Variants in GALNT13 observed in about 807,000 individuals in gnomAD.
The protein encoded by GALNT13 is UDP-GalNAc:polypeptide N-acetylgalactosaminyltransferase 13.
GALNT13 carries 28 observed loss-of-function variants against 64.2 expected under a neutral mutation model. The observed-to-expected ratio is 0.44, with a 90% CI of 0.32 to 0.60. The LOEUF (loss-of-function observed/expected upper bound fraction) is 0.60. Among genes scored for constraint, GALNT13 ranks in the 20% least tolerant of loss-of-function variants. GALNT13 has a pLI of 0.05. For missense variants in GALNT13, 577 were observed against 669.8 expected (o/e 0.86, Z 1.53); for synonymous variants, 214 against 224.6 (o/e 0.95, Z 0.42).
At chr2:153,585,552 T>C in the GALNT13 span, among the ~76,000 whole-genome samples, 13 of 152,290 alleles carry the variant, frequency 8.5e-5, no homozygotes, top group Admixed American at 7.2e-4. Context: ...CGAAAAGATG[T>C]AGACATCTAC....
At chr2:153,190,030 C>T in the GALNT13 span, among the ~76,000 whole-genome samples, 1 of 151,882 alleles carries the variant, frequency 6.6e-6, no homozygotes, top group African/African-American at 2.4e-5. Context: ...ATATTTTTTC[C>T]ATTCAGCAGG....
chr2:153,496,321 C>G, the GALNT13 span, among the ~76,000 whole-genome samples: 2 of 152,162 alleles, frequency 1.3e-5, no homozygotes, highest in Non-Finnish European at 2.9e-5. Context: ...AAATACTTAA[C>G]TCTTAGGAAA....
the GALNT13 span, among the ~76,000 whole-genome samples, chr2:153,481,810 A>C: frequency 1.3e-5 from 2 of 152,326 alleles, no homozygotes; most frequent in East Asian, 3.9e-4. Context: ...CAGATACTCA[A>C]TGCCAAAAGA....
chr2:153,217,243 A>T, the GALNT13 span, among the ~76,000 whole-genome samples: 1 of 152,030 alleles, frequency 6.6e-6, no homozygotes, highest in Admixed American at 6.6e-5. Context: ...CCTCTCCAAC[A>T]TTCTTCATCT....
At chr2:153,885,467 T>A (rs1687106998) in intron 1 of GALNT13, among the ~76,000 whole-genome samples, 2 of 152,078 alleles carry the variant, frequency 1.3e-5, no homozygotes, top group Non-Finnish European at 2.9e-5. Flanking sequence ...TTAATGGTTT[T>A]TTTTGCTGAT....
At chr2:153,255,067 G>T in the GALNT13 span, among the ~76,000 whole-genome samples, 1 of 152,028 alleles carries the variant, frequency 6.6e-6, no homozygotes, top group Non-Finnish European at 1.5e-5. Context: ...TTGACAGCGG[G>T]GTGTGAAAGT....
the GALNT13 span, among the ~76,000 whole-genome samples, chr2:153,377,773 C>A: frequency 6.6e-6 from 1 of 152,064 alleles, no homozygotes; most frequent in Non-Finnish European, 1.5e-5. Context: ...AAGACACAGC[C>A]CTAGAAAACG....
rs1413232214 is a variant in GALNT13, at chr2:154,452,935, T to A, written c.*2384T>A. Reference sequence around the variant, plus strand: ...TTCAAACCAATCTCTTCTGTGGTCTTCTCCATCTCAGTTAATGCAACTTCA... The same window carrying A: ...TTCAAACCAATCTCTTCTGTGGTCTACTCCATCTCAGTTAATGCAACTTCA... On this transcript the variant is annotated 3_prime_UTR_variant, in exon 13 of 13. Transcript: ENST00000392825. 6.6e-6 allele frequency: 1 copy of A among 152,178 alleles called. No homozygotes were observed. The highest frequency in any genetic ancestry group is 1.9e-4 in the East Asian group (1 of 5,192). The allele number at this position is 152,178 out of a possible 1,614,324, so 9.4% of individuals were successfully genotyped here. A position where few individuals can be genotyped will look rare whatever the true frequency, so the allele number is the denominator to read the frequency against.
intron 9 of GALNT13, among the ~76,000 whole-genome samples, chr2:154,305,044 T>C (rs1480907553): frequency 6.6e-6 from 1 of 152,326 alleles, no homozygotes; most frequent in South Asian, 2.1e-4. Flanking sequence ...AAACTAGTAC[T>C]GGATGTCTAA....
chr2:153,574,715 C>CTT, the GALNT13 span, among the ~76,000 whole-genome samples: 1,027 of 141,278 alleles, frequency 7.3e-3, 20 homozygotes, highest in African/African-American at 0.025. Flanking sequence ...TTATTTCAAT[C>CTT]TTTTTTTTTT....
the GALNT13 span, among the ~76,000 whole-genome samples, chr2:153,389,295 G>A: frequency 3.3e-5 from 5 of 151,946 alleles, no homozygotes. Flanking sequence ...ATTTGAATAC[G>A]CTCATCAGTG....
Position 154,453,392 on chromosome 2 carries a change from C to T in GALNT13, c.*2841C>T, listed in dbSNP as rs1701946961. ...CATGCAATTCTACCTTTTTCTAACA[C>T]CATCTCTTATCTCTCATTATTCTGC... On this transcript the variant is annotated 3_prime_UTR_variant, in exon 13 of 13. Coordinates refer to ENST00000392825, the MANE Select transcript of GALNT13 (RefSeq NM_052917.4). The T allele has an allele frequency of 6.6e-6, 1 of 152,182 alleles. No homozygotes were observed. 9.4% of individuals were successfully genotyped at this position (152,182 alleles called of 1,614,324 possible). A position where few individuals can be genotyped will look rare whatever the true frequency, so the allele number is the denominator to read the frequency against.
the GALNT13 span, among the ~76,000 whole-genome samples, chr2:153,802,651 T>C: frequency 1.3e-5 from 2 of 152,194 alleles, no homozygotes; most frequent in African/African-American, 4.8e-5. Context: ...GAATAACACA[T>C]CCTGAATTAT....
chr2:153,472,852 A>G, the GALNT13 span, among the ~76,000 whole-genome samples: 3 of 152,220 alleles, frequency 2.0e-5, no homozygotes, highest in African/African-American at 4.8e-5. Context: ...ACTGTTTGCA[A>G]TGTGACTGAG....
At chr2:153,676,139 TGAAAA>T in the GALNT13 span, among the ~76,000 whole-genome samples, 3 of 151,636 alleles carry the variant, frequency 2.0e-5, no homozygotes, top group African/African-American at 4.8e-5. Flanking sequence ...GAAAAAAAGA[TGAAAA>T]GAACCAAGTA....
chr2:153,097,883 T>C, the GALNT13 span, among the ~76,000 whole-genome samples: 1 of 152,256 alleles, frequency 6.6e-6, no homozygotes, highest in Admixed American at 6.5e-5. Context: ...CTGGCTAACA[T>C]GGTGAAACCC....
At chr2:153,167,651 C>A in the GALNT13 span, among the ~76,000 whole-genome samples, 3 of 152,244 alleles carry the variant, frequency 2.0e-5, no homozygotes, top group Middle Eastern at 3.4e-3. Flanking sequence ...CAATCTGGTG[C>A]AATCGGATAG....
chr2:154,136,345 TA>T (rs2105565402), intron 3 of GALNT13, among the ~76,000 whole-genome samples: 1 of 152,278 alleles, frequency 6.6e-6, no homozygotes, highest in South Asian at 2.1e-4. Context: ...TCTAACAGAA[TA>T]AAATTATTAC....
At chr2:154,036,815 A>T (rs377348144) in intron 3 of GALNT13, among the ~76,000 whole-genome samples, 32 of 152,218 alleles carry the variant, frequency 2.1e-4, no homozygotes, top group African/African-American at 7.2e-4. Flanking sequence ...CATTGGAAAC[A>T]CTTGTGGAAT....
Sources: gnomAD v4.1 joint callset for allele counts (sites outside exome capture counted in the v4.1 genomes callset) on GRCh38, gnomAD v4.1.1 for gene constraint, MANE v1.5 for transcripts, NCBI Gene and HGNC (gene_info 2026-07-23, HGNC 2026-07-21) for gene names.